Variants in CHD6 observed in about 807,000 individuals in gnomAD.
CHD6 encodes the protein chromodomain helicase DNA binding protein 6, also known as ATP-dependent chromatin remodeler CHD6.
Under a neutral mutation model 276.9 loss-of-function variants are expected in CHD6, and 50 were observed. That is an observed-to-expected ratio of 0.18 (90% confidence interval 0.14 to 0.23). CHD6 has a LOEUF of 0.23. Ranked by LOEUF, CHD6 falls within the 10% of genes least tolerant of loss-of-function variation. CHD6 has a pLI of 1.00. For synonymous variants in CHD6, 1,173 were observed against 1,229.3 expected (o/e 0.95, Z 0.96); for missense variants, 2,564 against 3,365.8 (o/e 0.76, Z 5.89).
intron 35 of CHD6, among the ~76,000 whole-genome samples, chr20:41,412,674 C>T (rs1262385116): frequency 6.6e-6 from 1 of 152,154 alleles, no homozygotes; most frequent in Non-Finnish European, 1.5e-5. Context: ...CGCTCTCTAC[C>T]TACATATCTT....
intron 2 of CHD6, among the ~76,000 whole-genome samples, chr20:41,538,244 G>C (rs1225210470): frequency 6.6e-6 from 1 of 152,148 alleles, no homozygotes; most frequent in Non-Finnish European, 1.5e-5. Flanking sequence ...CCAGCTACTT[G>C]GGAGGCTAAG....
intron 27 of CHD6, among the ~76,000 whole-genome samples, chr20:41,435,010 C>A (rs1377426895): frequency 6.6e-6 from 1 of 152,060 alleles, no homozygotes; most frequent in Non-Finnish European, 1.5e-5. Flanking sequence ...CAACTGAAAT[C>A]ATATAGAATG....
chr20:41,550,570 C>G (rs1186655343), intron 2 of CHD6, among the ~76,000 whole-genome samples: 2 of 152,168 alleles, frequency 1.3e-5, no homozygotes, highest in African/African-American at 4.8e-5. Flanking sequence ...CTCACCCAAC[C>G]TCTTTGTTAC....
chr20:41,577,205 G>A (rs2045483701), intron 1 of CHD6, among the ~76,000 whole-genome samples: 1 of 152,188 alleles, frequency 6.6e-6, no homozygotes. Flanking sequence ...ACAGAGACTT[G>A]TGGCCGCTAT....
chr20:41,445,621 G>A, intron 25 of CHD6, 44 bp downstream of exon 25: 3 of 1,322,018 alleles, frequency 2.3e-6, no homozygotes, highest in Non-Finnish European at 3.3e-6. Context: ...ATCCTTCCTG[G>A]GGGAAACTGA....
At chr20:41,576,196 T>A (rs2045472566) in intron 1 of CHD6, among the ~76,000 whole-genome samples, 1 of 152,192 alleles carries the variant, frequency 6.6e-6, no homozygotes. Flanking sequence ...TTGAAGAAAT[T>A]CTCTGTACAT....
At chr20:41,609,136 C>A (rs772164810) in intron 1 of CHD6, among the ~76,000 whole-genome samples, 13 of 152,150 alleles carry the variant, frequency 8.5e-5, no homozygotes, top group Non-Finnish European at 1.6e-4. Flanking sequence ...TCTTTAAAAC[C>A]CTACAGCAAG....
At chr20:41,561,573 A>G (rs573991210) in intron 1 of CHD6, among the ~76,000 whole-genome samples, 1 of 151,456 alleles carries the variant, frequency 6.6e-6, no homozygotes, top group Non-Finnish European at 1.5e-5. Flanking sequence ...TCCATGGTGG[A>G]CTCCTAGGTT....
intron 1 of CHD6, among the ~76,000 whole-genome samples, chr20:41,551,680 G>A (rs143321714): frequency 5.9e-5 from 9 of 152,288 alleles, no homozygotes; most frequent in African/African-American, 2.2e-4. Context: ...CCTTTACTGA[G>A]AGGTATTAGG....
intron 2 of CHD6, among the ~76,000 whole-genome samples, chr20:41,550,957 T>C (rs1253861121): frequency 6.6e-6 from 1 of 152,192 alleles, no homozygotes; most frequent in Non-Finnish European, 1.5e-5. Flanking sequence ...TAACCAAAAA[T>C]CCAGAAGGAT....
At chr20:41,564,711 A>C (rs2045337063) in intron 1 of CHD6, among the ~76,000 whole-genome samples, 1 of 152,240 alleles carries the variant, frequency 6.6e-6, no homozygotes, top group Admixed American at 6.5e-5. Context: ...TGTTAATCCA[A>C]AGTTAATGAG....
At chr20:41,442,103 C>T (rs2047919811) in intron 25 of CHD6, among the ~76,000 whole-genome samples, 3 of 152,112 alleles carry the variant, frequency 2.0e-5, no homozygotes, top group South Asian at 2.1e-4. Flanking sequence ...CTATATTCAA[C>T]TCATTTAACA....
intron 31 of CHD6, among the ~76,000 whole-genome samples, 154 bp downstream of exon 31, chr20:41,420,354 G>A (rs1243579311): frequency 1.3e-5 from 2 of 152,104 alleles, no homozygotes; most frequent in Non-Finnish European, 1.5e-5. Flanking sequence ...TAAGCTACTC[G>A]AATTTTCAGT....
rs190477623 is a variant in CHD6 at position 41,592,080 on chromosome 20, C to A, written c.-24+26260G>T. On this transcript the variant is annotated intron_variant, in intron 1 of 36. Coordinates refer to ENST00000373233, the MANE Select transcript of CHD6 (RefSeq NM_032221.5). ...TGCCGCTGCACTCCAGCCTGGGCGACAGAGTGAGACTCTGTATCAAACAAA... is the reference window on the plus strand; with the variant it reads ...TGCCGCTGCACTCCAGCCTGGGCGAAAGAGTGAGACTCTGTATCAAACAAA... 1.4e-3 allele frequency among the ~76,000 whole-genome samples: 220 copies of A among 152,226 alleles called. 1 individual carries two copies. The Middle Eastern group carries it at 0.02, about 14-fold the overall frequency.
At chr20:41,595,435 A>G (rs554234313) in intron 1 of CHD6, among the ~76,000 whole-genome samples, 183 of 152,294 alleles carry the variant, frequency 1.2e-3, no homozygotes, top group African/African-American at 4.1e-3. Context: ...AGAGGGACCT[A>G]AATTCCCATG....
chr20:41,413,078 T>C (rs1223462239), intron 35 of CHD6, among the ~76,000 whole-genome samples: 1 of 152,222 alleles, frequency 6.6e-6, no homozygotes, highest in African/African-American at 2.4e-5. Context: ...AGTTCTGTCC[T>C]CTTAGGATTT....
rs746361057 is a variant in CHD6 at position 41,533,550 on chromosome 20, C to A, written c.54G>T (p.Leu18Phe). The A allele has an allele frequency of 2.1e-5, 33 of 1,605,380 alleles. 1 individual carries two copies. The South Asian group carries it at 3.7e-4, about 18-fold the overall frequency. Reference protein sequence around the residue: ...KEKQLSNLKVLNHSPMSDASV... With the variant: ...KEKQLSNLKVFNHSPMSDASV... Reference sequence around the variant, plus strand: ...AGGCATCAGACATTGGGGAGTGATTCAAAACTTTTAAATTTGACAACTGTA... The same window carrying A: ...AGGCATCAGACATTGGGGAGTGATTAAAAACTTTTAAATTTGACAACTGTA... The change falls in exon 3 of 37, where the codon TTG (leucine) becomes TTT (phenylalanine). Residue 18 changes from leucine to phenylalanine, a missense_variant. By Grantham distance (22) the Leu-to-Phe change is conservative (BLOSUM62 0). Coordinates refer to ENST00000373233, the MANE Select transcript of CHD6 (RefSeq NM_032221.5).
chr20:41,479,178 T>C (rs1398744838), intron 16 of CHD6, among the ~76,000 whole-genome samples: 1 of 152,102 alleles, frequency 6.6e-6, no homozygotes, highest in African/African-American at 2.4e-5. Flanking sequence ...ACAGAGCCCA[T>C]GGACTTGTGG....
intron 17 of CHD6, among the ~76,000 whole-genome samples, chr20:41,459,634 C>T (rs1237739536): frequency 1.3e-5 from 2 of 152,218 alleles, no homozygotes; most frequent in Non-Finnish European, 2.9e-5. Context: ...TCTACTTTTG[C>T]TTCTTCCTCA....
Sources: gnomAD v4.1 joint callset for allele counts (sites outside exome capture counted in the v4.1 genomes callset) on GRCh38, gnomAD v4.1.1 for gene constraint, MANE v1.5 for transcripts, NCBI Gene and HGNC (gene_info 2026-07-23, HGNC 2026-07-21) for gene names.